RSRC1: variants seen among roughly 807,000 people sequenced by gnomAD.
RSRC1 encodes arginine and serine rich coiled-coil 1, also known as serine/Arginine-related protein 53.
In RSRC1, 39 loss-of-function variants were observed where a neutral mutation model predicts 49.1. The observed-to-expected ratio is 0.79, with a 90% CI of 0.61 to 1.04. The LOEUF (loss-of-function observed/expected upper bound fraction) is 1.04, where lower values mean the gene tolerates loss of function less well. Among genes scored for constraint, RSRC1 ranks in the 50% least tolerant of loss-of-function variants. The pLI, the probability that RSRC1 is intolerant of heterozygous loss-of-function variation, is 0.00. For synonymous variants in RSRC1, 143 were observed against 130.8 expected, an observed-to-expected ratio of 1.09 and a Z score of -0.63; for missense variants, 388 against 402.4, an observed-to-expected ratio of 0.96 and a Z score of 0.31.
intron 4 of RSRC1, among the ~76,000 whole-genome samples, chr3:158,286,066 G>A (rs1329439509): frequency 1.3e-5 from 2 of 152,116 alleles, no homozygotes; most frequent in Non-Finnish European, 2.9e-5. Context: ...TACAGTATTT[G>A]TTTTGTGAAT....
At position 158,473,782 on chromosome 3, in the gene RSRC1, A is replaced by G. The variant is rs538650000; in HGVS notation, c.652+12779A>G. On this transcript the variant is annotated intron_variant, in intron 7 of 9. Transcript: ENST00000611884. ...AGGCAAGTTTTTAATGTCAATAAAT[A>G]TAGTAATATAAAATGAAGTTAAGCA... Among the ~76,000 whole-genome samples, 7 of 152,276 alleles carry G rather than the reference A, an allele frequency of 4.6e-5. No homozygotes were observed. In the East Asian group the frequency reaches 1.2e-3, roughly 25 times the overall value.
chr3:158,305,351 T>C (rs181933594), intron 5 of RSRC1, among the ~76,000 whole-genome samples: 7 of 152,264 alleles, frequency 4.6e-5, no homozygotes, highest in African/African-American at 1.7e-4. Flanking sequence ...TTTATGCACC[T>C]GAGGTTATTA....
At chr3:158,149,063 C>T (rs554409584) in intron 3 of RSRC1, among the ~76,000 whole-genome samples, 19 of 152,288 alleles carry the variant, frequency 1.2e-4, no homozygotes, top group African/African-American at 4.1e-4. Context: ...GGATTACAGG[C>T]GTGAGCCACT....
chr3:158,400,305 A>T (rs1433431609), intron 6 of RSRC1, among the ~76,000 whole-genome samples: 3 of 152,296 alleles, frequency 2.0e-5, no homozygotes, highest in East Asian at 1.9e-4. Flanking sequence ...ATATAAATAT[A>T]GCACATATAA....
intron 7 of RSRC1, among the ~76,000 whole-genome samples, chr3:158,492,500 T>G (rs545934801): frequency 6.6e-6 from 1 of 152,192 alleles, no homozygotes; most frequent in African/African-American, 2.4e-5. Context: ...GCAGATGATA[T>G]AGGAAATTGT....
At chr3:158,171,953 T>TCAA (rs374799867) in intron 3 of RSRC1, among the ~76,000 whole-genome samples, 5,454 of 151,110 alleles carry the variant, frequency 0.036, 309 homozygotes, top group African/African-American at 0.13. Context: ...CTGTGTCGCT[T>TCAA]CAACAACAAC....
intron 7 of RSRC1, among the ~76,000 whole-genome samples, chr3:158,499,392 G>C (rs559768573): frequency 8.3e-4 from 122 of 147,142 alleles, no homozygotes; most frequent in African/African-American, 2.9e-3. Context: ...AAAAAACAGA[G>C]TTTTTTTTTT....
At chr3:158,244,212 A>T (rs1169261019) in intron 4 of RSRC1, among the ~76,000 whole-genome samples, 1 of 152,126 alleles carries the variant, frequency 6.6e-6, no homozygotes, top group African/African-American at 2.4e-5. Flanking sequence ...TTTTCAAAGG[A>T]AATGCTTCCA....
At chr3:158,289,821 C>A (rs774259242) in intron 4 of RSRC1, among the ~76,000 whole-genome samples, 2 of 152,168 alleles carry the variant, frequency 1.3e-5, no homozygotes, top group African/African-American at 2.4e-5. Flanking sequence ...CTTTTCCCAA[C>A]ACTGTACCTT....
At chr3:158,375,435 C>T (rs1483311270) in intron 6 of RSRC1, among the ~76,000 whole-genome samples, 5 of 151,402 alleles carry the variant, frequency 3.3e-5, no homozygotes, top group African/African-American at 1.2e-4. Flanking sequence ...CTCCTGGACT[C>T]CAGTAATCCA....
At chr3:158,461,097 C>A in intron 7 of RSRC1, 94 bp downstream of exon 7, 1 of 808,136 alleles carries the variant, frequency 1.2e-6, no homozygotes. Flanking sequence ...TTAAGGGTTA[C>A]TTCATGCTGT....
chr3:158,398,264 A>G (rs2108303790), intron 6 of RSRC1, among the ~76,000 whole-genome samples: 1 of 152,196 alleles, frequency 6.6e-6, no homozygotes, highest in South Asian at 2.1e-4. Flanking sequence ...AAGAACAGAA[A>G]CTTATTTCTC....
chr3:158,254,732 G>A (rs990432856), intron 4 of RSRC1, among the ~76,000 whole-genome samples: 7 of 151,986 alleles, frequency 4.6e-5, no homozygotes, highest in Non-Finnish European at 7.4e-5. Flanking sequence ...GCACCTGGCC[G>A]TTTCCTGACT....
At chr3:158,398,980 T>TTGTG (rs953143108) in intron 6 of RSRC1, among the ~76,000 whole-genome samples, 4 of 146,866 alleles carry the variant, frequency 2.7e-5, no homozygotes, top group East Asian at 1.9e-4. Context: ...GTGTTTGTAT[T>TTGTG]TGTGTGTGTG....
At position 158,228,961 on chromosome 3, in the gene RSRC1, CAT is replaced by C. The variant is rs370358065; in HGVS notation, c.494+25718_494+25719del. On this transcript the variant is annotated intron_variant, in intron 4 of 9. Coordinates refer to ENST00000611884, the MANE Select transcript of RSRC1 (RefSeq NM_001271838.2). ...ACGTGTATATGTGTGTATAAACACACATACGTGTATATGTGTGTATAAACACA... is the reference window on the plus strand; with the variant it reads ...ACGTGTATATGTGTGTATAAACACACACGTGTATATGTGTGTATAAACACA... Among the ~76,000 whole-genome samples the C allele has an allele frequency of 3.6e-4, 38 of 106,486 alleles. 4 individuals are homozygous for C. In the South Asian group the frequency reaches 3.9e-3, roughly 11 times the overall value. The allele number at this position is 106,486 out of a possible 152,430, so 69.9% of individuals were successfully genotyped here. A position where few individuals can be genotyped will look rare whatever the true frequency, so the allele number is the denominator to read the frequency against.
intron 4 of RSRC1, among the ~76,000 whole-genome samples, chr3:158,286,992 A>T (rs1726604250): frequency 6.6e-6 from 1 of 152,020 alleles, no homozygotes; most frequent in Non-Finnish European, 1.5e-5. Context: ...ACACCCGGCC[A>T]ATTTTTTGTA....
At chr3:158,409,230 C>A (rs1734305594) in intron 6 of RSRC1, among the ~76,000 whole-genome samples, 1 of 151,848 alleles carries the variant, frequency 6.6e-6, no homozygotes. Context: ...CAGTAAACCC[C>A]CAGGACACAA....
intron 6 of RSRC1, among the ~76,000 whole-genome samples, chr3:158,409,352 C>G (rs1158022938): frequency 1.3e-5 from 2 of 152,106 alleles, no homozygotes; most frequent in Non-Finnish European, 2.9e-5. Context: ...TATAAAGAGT[C>G]CAGCAAGTCA....
chr3:158,350,701 C>G (rs1404132172), intron 5 of RSRC1, among the ~76,000 whole-genome samples: 1 of 152,062 alleles, frequency 6.6e-6, no homozygotes, highest in East Asian at 1.9e-4. Context: ...TTAAACATGT[C>G]CCCATTTAAA....
Sources: allele counts gnomAD v4.1 joint callset (sites outside exome capture counted in the v4.1 genomes callset), GRCh38; gene constraint gnomAD v4.1.1; transcripts MANE v1.5; gene names NCBI Gene and HGNC (gene_info 2026-07-23, HGNC 2026-07-21).